AUTS2: variants seen among roughly 807,000 people sequenced by gnomAD.
The protein encoded by AUTS2 is autism susceptibility gene 2 protein.
In AUTS2, 17 loss-of-function variants were observed where a neutral mutation model predicts 112.4. That is an observed-to-expected ratio of 0.15 (90% CI 0.10 to 0.23). The LOEUF is 0.23. Among genes scored for constraint, AUTS2 ranks in the 10% least tolerant of loss-of-function variants. The probability of loss-of-function intolerance (pLI) is 1.00; values close to 1 mark genes in which losing one functional copy is unlikely to be tolerated. For synonymous variants in AUTS2, 751 were observed against 702.7 expected, an observed-to-expected ratio of 1.07 and a Z score of -1.09; for missense variants, 1,510 against 1,701.6, an observed-to-expected ratio of 0.89 and a Z score of 1.98.
intron 2 of AUTS2, among the ~76,000 whole-genome samples, chr7:70,081,965 T>TGTGTGC (rs1018968486): frequency 3.1e-5 from 4 of 128,016 alleles, no homozygotes; most frequent in African/African-American, 1.1e-4. Context: ...TGTGTGTGTG[T>TGTGTGC]GCGCGCGCCT....
At chr7:70,154,915 T>A (rs1407203074) in intron 4 of AUTS2, among the ~76,000 whole-genome samples, 2 of 152,212 alleles carry the variant, frequency 1.3e-5, no homozygotes, top group East Asian at 3.8e-4. Flanking sequence ...AATTGTAGCA[T>A]CATATGTTTG....
chr7:70,665,875 C>A (rs1252801004), intron 5 of AUTS2, among the ~76,000 whole-genome samples: 2 of 152,222 alleles, frequency 1.3e-5, no homozygotes, highest in African/African-American at 2.4e-5. Context: ...CAATTCTTCA[C>A]ATATACCAAG....
chr7:70,781,823 G>C, intron 15 of AUTS2, 67 bp downstream of exon 15: 3 of 1,562,964 alleles, frequency 1.9e-6, no homozygotes, highest in Non-Finnish European at 2.6e-6. Context: ...AAATAAATGA[G>C]GTTTGGGCTC....
At chr7:70,324,339 A>G (rs1335658398) in intron 4 of AUTS2, among the ~76,000 whole-genome samples, 2 of 152,234 alleles carry the variant, frequency 1.3e-5, no homozygotes, top group South Asian at 2.1e-4. Context: ...CAACTATCTG[A>G]TGAAGCTATC....
At chr7:70,734,576 G>A (rs2129553212) in intron 6 of AUTS2, among the ~76,000 whole-genome samples, 1 of 152,278 alleles carries the variant, frequency 6.6e-6, no homozygotes, top group South Asian at 2.1e-4. Flanking sequence ...CGTGCTTGTG[G>A]GGGCTGGCAG....
rs943811921 is a variant in AUTS2 at position 70,656,214 on chromosome 7, T to A, written c.691-42355T>A. Among the ~76,000 whole-genome samples, 12 of 152,240 alleles carry A rather than the reference T, an allele frequency of 7.9e-5. No individual in the cohort carries two copies. The South Asian group carries it at 2.5e-3, about 32-fold the overall frequency. ...AATAATTTCATTTTTCTTAGTAAAA[T>A]CATATAATGTCTGCATTTTTCCTTT... is the stretch of plus-strand genomic sequence containing the variant. On this transcript the variant is annotated intron_variant, in intron 5 of 18. Transcript: ENST00000342771.
intron 4 of AUTS2, among the ~76,000 whole-genome samples, chr7:70,363,841 C>T (rs1318240676): frequency 6.6e-6 from 1 of 152,206 alleles, no homozygotes; most frequent in Non-Finnish European, 1.5e-5. Context: ...ACTCCTCCTT[C>T]TATGGACTCT....
intron 5 of AUTS2, among the ~76,000 whole-genome samples, chr7:70,530,583 G>A (rs979629333): frequency 1.3e-5 from 2 of 152,172 alleles, no homozygotes; most frequent in African/African-American, 4.8e-5. Flanking sequence ...TTTGGGTTGT[G>A]CCTCTGCAGG....
chr7:70,655,991 G>A (rs890903630), intron 5 of AUTS2, among the ~76,000 whole-genome samples: 16 of 152,222 alleles, frequency 1.1e-4, no homozygotes, highest in African/African-American at 3.9e-4. Context: ...AGGACTTCTT[G>A]ATGCCCACCA....
intron 1 of AUTS2, among the ~76,000 whole-genome samples, chr7:69,658,125 C>T (rs2129140553): frequency 1.3e-5 from 2 of 152,356 alleles, no homozygotes; most frequent in Admixed American, 1.3e-4. Flanking sequence ...TGGAATACAG[C>T]CATGCTCATT....
At chr7:69,914,356 GACAC>G (rs66527808) in intron 2 of AUTS2, among the ~76,000 whole-genome samples, 1,904 of 136,060 alleles carry the variant, frequency 0.014, 22 homozygotes, top group South Asian at 0.04. Context: ...CACACACACA[GACAC>G]ACACACACAC....
chr7:69,676,943 A>T (rs920401377), intron 1 of AUTS2, among the ~76,000 whole-genome samples: 1 of 152,102 alleles, frequency 6.6e-6, no homozygotes, highest in East Asian at 1.9e-4. Context: ...CTTTTCAAGA[A>T]CACACAGCTT....
chr7:69,824,730 A>G (rs888061631), intron 1 of AUTS2: 28 of 152,240 alleles, frequency 1.8e-4, no homozygotes, highest in Admixed American at 1.6e-3. Context: ...AGACCTGGGC[A>G]TTTGGCACTT....
intron 6 of AUTS2, among the ~76,000 whole-genome samples, chr7:70,745,364 A>G (rs1275610520): frequency 6.6e-6 from 1 of 152,200 alleles, no homozygotes; most frequent in Admixed American, 6.5e-5. Flanking sequence ...TGATTTGCTT[A>G]TAATGAGTGT....
At chr7:70,318,575 G>A (rs1288283604) in intron 4 of AUTS2, among the ~76,000 whole-genome samples, 1 of 152,186 alleles carries the variant, frequency 6.6e-6, no homozygotes, top group Admixed American at 6.5e-5. Flanking sequence ...AAGTCTTTCA[G>A]ACATCCTACC....
intron 1 of AUTS2, among the ~76,000 whole-genome samples, chr7:69,806,836 A>C (rs1180632923): frequency 6.6e-6 from 1 of 152,190 alleles, no homozygotes; most frequent in Non-Finnish European, 1.5e-5. Context: ...TGTGATTCCA[A>C]GTTAAAGAAT....
chr7:70,682,045 A>G (rs1290967264), intron 5 of AUTS2, among the ~76,000 whole-genome samples: 3 of 152,212 alleles, frequency 2.0e-5, no homozygotes, highest in Non-Finnish European at 4.4e-5. Context: ...TTCTAGAACC[A>G]GAGGTTTGAG....
chr7:70,716,038 A>G (rs1214860936), intron 6 of AUTS2, among the ~76,000 whole-genome samples: 1 of 152,236 alleles, frequency 6.6e-6, no homozygotes, highest in Non-Finnish European at 1.5e-5. Context: ...CAAAAACCTG[A>G]ATCGTGTTTG....
intron 5 of AUTS2, among the ~76,000 whole-genome samples, chr7:70,500,658 GC>G (rs555118388): frequency 6.6e-5 from 10 of 152,172 alleles, no homozygotes; most frequent in African/African-American, 2.4e-4. Flanking sequence ...AAGTTCAAGT[GC>G]TTAGAGAAAT....
Sources: gnomAD v4.1 joint callset for allele counts (sites outside exome capture counted in the v4.1 genomes callset) on GRCh38, gnomAD v4.1.1 for gene constraint, MANE v1.5 for transcripts, NCBI Gene and HGNC (gene_info 2026-07-23, HGNC 2026-07-21) for gene names.